Variants in TENM3 observed in about 807,000 individuals in gnomAD.
TENM3 encodes the protein teneurin-3.
In TENM3, 63 loss-of-function variants were observed where a neutral mutation model predicts 255.1. The observed-to-expected ratio is 0.25, with a 90% CI of 0.20 to 0.30. The LOEUF (loss-of-function observed/expected upper bound fraction) is 0.30, where lower values mean the gene tolerates loss of function less well. TENM3 is among the 10% of genes least tolerant of loss of function. The pLI, the probability that TENM3 is intolerant of heterozygous loss-of-function variation, is 1.00. For synonymous variants in TENM3, 1,306 were observed against 1,322.3 expected, an observed-to-expected ratio of 0.99 and a Z score of 0.27; for missense variants, 2,929 against 3,461.1, an observed-to-expected ratio of 0.85 and a Z score of 3.86.
At chr4:181,890,762 TCTGTAGG>T in the TENM3 span, among the ~76,000 whole-genome samples, 22 of 152,292 alleles carry the variant, frequency 1.4e-4, no homozygotes, top group South Asian at 4.1e-3. Flanking sequence ...ATCATTAGTG[TCTGTAGG>T]GTTGGTGAAG....
chr4:181,988,918 C>A, the TENM3 span, among the ~76,000 whole-genome samples: 5 of 152,102 alleles, frequency 3.3e-5, no homozygotes, highest in African/African-American at 9.6e-5. Context: ...CATTAAGAGT[C>A]TTCTGATTTG....
rs1269381769 is a variant in TENM3, at chr4:182,629,618, GA to G, written c.988+733del. Among the ~76,000 whole-genome samples the G allele has an allele frequency of 2.0e-5, 3 of 152,032 alleles. No individual in the cohort carries two copies. The East Asian group carries it at 5.8e-4, about 29-fold the overall frequency. On this transcript the variant is annotated intron_variant, in intron 5 of 27. Transcript: ENST00000511685. ...TGTTTTGATCTTCTTCTAAGTATAG[GA>G]AAAGGCCTACCACATTGAAATGCTA...
At chr4:182,376,919 A>G (rs1050487780) in intron 3 of TENM3, among the ~76,000 whole-genome samples, 2 of 152,222 alleles carry the variant, frequency 1.3e-5, no homozygotes, top group African/African-American at 2.4e-5. Flanking sequence ...TTGATTGAAA[A>G]ATACAAAAAT....
At chr4:182,016,464 C>A in the TENM3 span, among the ~76,000 whole-genome samples, 1 of 152,198 alleles carries the variant, frequency 6.6e-6, no homozygotes, top group Admixed American at 6.5e-5. Context: ...AACCTACCGT[C>A]CCCAGTGATG....
At chr4:182,144,416 G>C (rs1026636862), upstream of TENM3, 1 of 152,356 alleles carries the variant, frequency 6.6e-6, no homozygotes, top group Non-Finnish European at 1.5e-5. Context: ...ACTCCGGCCC[G>C]GCCTGGTCCG....
At chr4:182,125,311 C>G in the TENM3 span, among the ~76,000 whole-genome samples, 1 of 152,204 alleles carries the variant, frequency 6.6e-6, no homozygotes, top group Non-Finnish European at 1.5e-5. Context: ...TTCAAGTCAC[C>G]CTTATTTTAC....
At chr4:182,439,170 A>T (rs1486960108) in intron 3 of TENM3, among the ~76,000 whole-genome samples, 2 of 152,216 alleles carry the variant, frequency 1.3e-5, no homozygotes, top group African/African-American at 4.8e-5. Context: ...GAAGTTTGTT[A>T]TCACTCTGAA....
chr4:182,636,800 C>G (rs932402352), intron 5 of TENM3, among the ~76,000 whole-genome samples: 3 of 151,994 alleles, frequency 2.0e-5, no homozygotes, highest in Admixed American at 2.0e-4. Flanking sequence ...ATCTCTCTGA[C>G]TTGAAAAATA....
At chr4:181,472,855 A>G in the TENM3 span, among the ~76,000 whole-genome samples, 13 of 152,334 alleles carry the variant, frequency 8.5e-5, no homozygotes, top group African/African-American at 1.9e-4. Flanking sequence ...GTTTCCTTAC[A>G]GAACAATAGA....
the TENM3 span, among the ~76,000 whole-genome samples, chr4:182,121,026 TCTCA>T: frequency 4.6e-5 from 7 of 152,142 alleles, no homozygotes; most frequent in Admixed American, 2.6e-4. Flanking sequence ...TGAGATGCAG[TCTCA>T]CTCTGTTGCC....
the TENM3 span, among the ~76,000 whole-genome samples, chr4:182,065,340 G>T: frequency 6.6e-6 from 1 of 152,082 alleles, no homozygotes; most frequent in African/African-American, 2.4e-5. Flanking sequence ...CGGCAAAACC[G>T]GATAATTTAT....
At chr4:181,909,522 G>A in the TENM3 span, among the ~76,000 whole-genome samples, 39 of 152,284 alleles carry the variant, frequency 2.6e-4, no homozygotes, top group Non-Finnish European at 2.5e-4. Context: ...GGGGGCAGAC[G>A]TGGTGACTCA....
chr4:182,756,575 G>A (rs749088050), intron 22 of TENM3, among the ~76,000 whole-genome samples: 3 of 152,110 alleles, frequency 2.0e-5, no homozygotes, highest in South Asian at 2.1e-4. Context: ...ACAATGATAC[G>A]GTGAAGCAAA....
chr4:181,505,831 C>T, the TENM3 span, among the ~76,000 whole-genome samples: 1 of 152,160 alleles, frequency 6.6e-6, no homozygotes, highest in African/African-American at 2.4e-5. Context: ...TTAAAAACAT[C>T]AGCTATCCCA....
At chr4:181,773,634 A>T in the TENM3 span, among the ~76,000 whole-genome samples, 1 of 152,208 alleles carries the variant, frequency 6.6e-6, no homozygotes, top group Non-Finnish European at 1.5e-5. Flanking sequence ...TGAATTAGTG[A>T]TTCCTACTTC....
chr4:181,591,785 C>G, the TENM3 span, among the ~76,000 whole-genome samples: 1 of 152,176 alleles, frequency 6.6e-6, no homozygotes, highest in East Asian at 1.9e-4. Context: ...CCACCACCAC[C>G]CCCTACTCCT....
At chr4:181,561,457 C>T in the TENM3 span, among the ~76,000 whole-genome samples, 2 of 152,066 alleles carry the variant, frequency 1.3e-5, no homozygotes, top group Middle Eastern at 3.2e-3. Context: ...AAAATTTGAA[C>T]ATATGAAAAG....
At chr4:181,725,786 T>A in the TENM3 span, among the ~76,000 whole-genome samples, 1 of 152,190 alleles carries the variant, frequency 6.6e-6, no homozygotes, top group Non-Finnish European at 1.5e-5. Flanking sequence ...CCTTGGTTTG[T>A]GATGGCTTGT....
chr4:182,290,047 T>A (rs1761013988), intron 1 of TENM3, among the ~76,000 whole-genome samples: 1 of 152,132 alleles, frequency 6.6e-6, no homozygotes, highest in East Asian at 1.9e-4. Context: ...CAAGAAGGCC[T>A]CTCTGCCATG....
Sources: gnomAD v4.1 joint callset for allele counts (sites outside exome capture counted in the v4.1 genomes callset) on GRCh38, gnomAD v4.1.1 for gene constraint, MANE v1.5 for transcripts, NCBI Gene and HGNC (gene_info 2026-07-23, HGNC 2026-07-21) for gene names.